The following FOSL2 variants were observed in gnomAD, a reference collection of about 807,000 sequenced individuals.
FOSL2 encodes the protein fos-related antigen 2.
In FOSL2, 3 loss-of-function variants were observed where a neutral mutation model predicts 27.7. That is an observed-to-expected ratio of 0.11 (90% confidence interval 0.05 to 0.28). FOSL2 has a LOEUF of 0.28. Among genes scored for constraint, FOSL2 ranks in the 10% least tolerant of loss-of-function variants. FOSL2 has a pLI of 1.00. For synonymous variants in FOSL2, 179 were observed against 190.1 expected, an observed-to-expected ratio of 0.94 and a Z score of 0.48; for missense variants, 333 against 445.1, an observed-to-expected ratio of 0.75 and a Z score of 2.27.
In FOSL2 at chr2:28,401,076, T is replaced by C. The variant is rs1037000150; in HGVS notation, c.103-3031T>C. Among the ~76,000 whole-genome samples, 10 of 152,174 alleles carry C rather than the reference T, an allele frequency of 6.6e-5. No homozygotes were observed. The East Asian group carries it at 1.7e-3, about 26-fold the overall frequency. The stretch of plus-strand genomic sequence containing the variant: ...GGGGAGAGAAATGGAATTTAAAAGT[T>C]GGGTGCTTCCCAGGAGTGGGTAGCT... On this transcript the variant is annotated intron_variant, in intron 1 of 3. Coordinates refer to ENST00000264716, the MANE Select transcript of FOSL2 (RefSeq NM_005253.4).
chr2:28,396,711 A>G (rs966890458), intron 1 of FOSL2: 2 of 152,004 alleles, frequency 1.3e-5, no homozygotes, highest in African/African-American at 4.8e-5. Flanking sequence ...TTGTGAAAAT[A>G]AATCAAGGGC....
Position 28,413,694 on chromosome 2 carries a change from T to C in FOSL2, c.*1246T>C. The C allele has an allele frequency of 2.5e-6, 1 of 399,236 alleles. No individual in the cohort carries two copies. Among genetic ancestry groups the C allele is most frequent in the Non-Finnish European group, 4.4e-6 (1 of 226,524 alleles). The allele number at this position is 399,236 out of a possible 1,614,324, so 24.7% of individuals were successfully genotyped here. A position where few individuals can be genotyped will look rare whatever the true frequency, so the allele number is the denominator to read the frequency against. ...GGCACCGGGCCTTTCCTGCCCTCTG[T>C]GGTCATCTGCCACCTGCTGGATCAA... On this transcript the variant is annotated 3_prime_UTR_variant, in exon 4 of 4. Transcript: ENST00000264716.
intron 3 of FOSL2, among the ~76,000 whole-genome samples, chr2:28,411,640 A>C (rs182867542): frequency 4.6e-5 from 7 of 152,328 alleles, no homozygotes; most frequent in Admixed American, 2.6e-4. Context: ...TGGAAGATTG[A>C]ATGAGATCAT....
rs1332911537 is a variant in FOSL2 at position 28,416,009 on chromosome 2, G to A, written c.*3561G>A. On this transcript the variant is annotated 3_prime_UTR_variant, in exon 4 of 4. Coordinates refer to ENST00000264716, the MANE Select transcript of FOSL2 (RefSeq NM_005253.4). ...GAGAATTTGGGGACCAATAGAATATGTGATGTGTGAATTTTCTTTAAAAAA... is the reference window on the plus strand; with the variant it reads ...GAGAATTTGGGGACCAATAGAATATATGATGTGTGAATTTTCTTTAAAAAA... The A allele has an allele frequency of 1.3e-5, 2 of 152,092 alleles. No individual in the cohort carries two copies. The highest frequency in any genetic ancestry group is 2.9e-5 in the Non-Finnish European group (2 of 68,036). 9.4% of individuals were successfully genotyped at this position (152,092 alleles called of 1,614,324 possible).
At chr2:28,394,852 G>C (rs772608075) in intron 1 of FOSL2, among the ~76,000 whole-genome samples, 11 of 152,184 alleles carry the variant, frequency 7.2e-5, no homozygotes, top group Non-Finnish European at 1.6e-4. Flanking sequence ...CATCTGTGGA[G>C]TCTAGCATAG....
At chr2:28,403,700 C>T (rs1664018784) in intron 1 of FOSL2, among the ~76,000 whole-genome samples, 1 of 152,178 alleles carries the variant, frequency 6.6e-6, no homozygotes, top group East Asian at 1.9e-4. Flanking sequence ...CCCTGAGAAA[C>T]AGTTGGCAGG....
At chr2:28,406,376 C>T (rs974162102) in intron 2 of FOSL2, among the ~76,000 whole-genome samples, 1 of 152,216 alleles carries the variant, frequency 6.6e-6, no homozygotes, top group Non-Finnish European at 1.5e-5. Context: ...TCTCCATTCT[C>T]TTCTGGGCCT....
intron 1 of FOSL2, among the ~76,000 whole-genome samples, chr2:28,399,392 C>A (rs752925194): frequency 6.6e-6 from 1 of 152,220 alleles, no homozygotes; most frequent in African/African-American, 2.4e-5. Context: ...TATAGAGTCT[C>A]AGGAGGCAGT....
chr2:28,392,957 AGAGAG>A lies in FOSL2; in HGVS notation c.-763_-759del. On this transcript the variant is annotated 5_prime_UTR_variant, in exon 1 of 4. Coordinates refer to ENST00000264716, the MANE Select transcript of FOSL2 (RefSeq NM_005253.4). ...GGGACAGAAAGAGGGAGAGAGAGAG[AGAGAG>A]AGAGGGAGAGGCGCGGCCGGGCGAG... 1.4e-6 allele frequency: 1 copy of A among 695,382 alleles called. No homozygotes were observed. Among genetic ancestry groups the A allele is most frequent in the Admixed American group, 2.0e-5 (1 of 49,144 alleles). 43.1% of individuals were successfully genotyped at this position (695,382 alleles called of 1,614,324 possible). A position where few individuals can be genotyped will look rare whatever the true frequency, so the allele number is the denominator to read the frequency against.
intron 2 of FOSL2, among the ~76,000 whole-genome samples, chr2:28,405,616 A>T (rs1372427945): frequency 6.6e-6 from 1 of 152,158 alleles, no homozygotes; most frequent in Admixed American, 6.5e-5. Flanking sequence ...CACCACACCA[A>T]GAAACTGGAA....
chr2:28,404,449 T>C lies in FOSL2; in HGVS notation c.354+91T>C. 1 of 1,467,074 alleles carries C rather than the reference T, an allele frequency of 6.8e-7. No homozygotes were observed. The highest frequency in any genetic ancestry group is 9.2e-7 in the Non-Finnish European group (1 of 1,083,456). The allele number at this position is 1,467,074 out of a possible 1,614,324, so 90.9% of individuals were successfully genotyped here. ...GGTTTCTGCAGACTGGGAGGGTTAA[T>C]GTTCTGAGAGCAGGGGAGACAAGGG... On this transcript the variant is annotated intron_variant, in intron 2 of 3. Coordinates refer to ENST00000264716, the MANE Select transcript of FOSL2 (RefSeq NM_005253.4). The surrounding 1 kb of genome is among the most constrained non-coding windows in gnomAD (Gnocchi z 4.7).
At chr2:28,407,003 C>G (rs968278807) in intron 2 of FOSL2, among the ~76,000 whole-genome samples, 1 of 152,182 alleles carries the variant, frequency 6.6e-6, no homozygotes, top group East Asian at 1.9e-4. Context: ...TTGATCTCAC[C>G]GCCCCTGAAC....
intron 1 of FOSL2, among the ~76,000 whole-genome samples, chr2:28,402,119 CTT>C (rs1255185087): frequency 6.6e-6 from 1 of 152,234 alleles, no homozygotes; most frequent in African/African-American, 2.4e-5. Flanking sequence ...TGCTGGGTAA[CTT>C]TCCTCCAGAA....
At chr2:28,396,445 C>A (rs1663836958) in intron 1 of FOSL2, among the ~76,000 whole-genome samples, 1 of 150,292 alleles carries the variant, frequency 6.7e-6, no homozygotes, top group South Asian at 2.2e-4. Flanking sequence ...CACACACCTC[C>A]CCTTCTTGGA....
chr2:28,406,240 T>G (rs932392618), intron 2 of FOSL2, among the ~76,000 whole-genome samples: 5 of 152,000 alleles, frequency 3.3e-5, no homozygotes, highest in African/African-American at 1.2e-4. Flanking sequence ...TTTTGTACTT[T>G]TAGTAGAGAT....
chr2:28,393,392 C>A lies in FOSL2; in HGVS notation c.-329C>A, dbSNP rs1361739052. On this transcript the variant is annotated 5_prime_UTR_variant, in exon 1 of 4. Coordinates refer to ENST00000264716, the MANE Select transcript of FOSL2 (RefSeq NM_005253.4). The surrounding 1 kb of genome is among the most constrained non-coding windows in gnomAD (Gnocchi z 4.6). ...TGGGCCGTGGGTCCCCGCTGAGCTC[C>A]GGCTGCGCGCGGGGGCGGGAGGGCG... is the stretch of plus-strand genomic sequence containing the variant. The A allele has an allele frequency of 2.2e-5, 7 of 321,700 alleles. No individual in the cohort carries two copies. Among genetic ancestry groups the A allele is most frequent in the South Asian group, 1.7e-4 (4 of 23,638 alleles). The allele number at this position is 321,700 out of a possible 1,614,324, so 19.9% of individuals were successfully genotyped here.
chr2:28,404,034 G>C lies in FOSL2; in HGVS notation c.103-73G>C, dbSNP rs775546004. 2.6e-6 allele frequency: 4 copies of C among 1,567,938 alleles called. No homozygotes were observed. The highest frequency in any genetic ancestry group is 1.7e-4 in the Middle Eastern group (1 of 5,904). On this transcript the variant is annotated intron_variant, in intron 1 of 3. Transcript: ENST00000264716. The surrounding 1 kb of genome is among the most constrained non-coding windows in gnomAD (Gnocchi z 4.7). ...CTGTGCTGGTTTTTGCCTCAGCTCT[G>C]TTCAATTATTATTAACTATCCTGTT...
At chr2:28,400,345 T>C (rs1347287831) in intron 1 of FOSL2, among the ~76,000 whole-genome samples, 2 of 152,216 alleles carry the variant, frequency 1.3e-5, no homozygotes, top group African/African-American at 2.4e-5. Context: ...CTCGGGTCTA[T>C]TGGCATAGAA....
At position 28,393,605 on chromosome 2, in the gene FOSL2, C is replaced by T. The variant is rs1057241739; in HGVS notation, c.-116C>T. On this transcript the variant is annotated 5_prime_UTR_variant, in exon 1 of 4. Coordinates refer to ENST00000264716, the MANE Select transcript of FOSL2 (RefSeq NM_005253.4). The surrounding 1 kb of genome is among the most constrained non-coding windows in gnomAD (Gnocchi z 4.6). Reference sequence around the variant, plus strand: ...GTGGGGGAGAAACCCAGGAGCGAAGCCCAGAGCCCGCGGCGCGGCCGGCGG... The same window carrying T: ...GTGGGGGAGAAACCCAGGAGCGAAGTCCAGAGCCCGCGGCGCGGCCGGCGG... 10 of 725,400 alleles carry T rather than the reference C, an allele frequency of 1.4e-5. No individual in the cohort carries two copies. The Admixed American group carries it at 2.5e-4, about 18-fold the overall frequency. The allele number at this position is 725,400 out of a possible 1,614,324, so 44.9% of individuals were successfully genotyped here.
Sources: gnomAD v4.1 joint callset for allele counts (sites outside exome capture counted in the v4.1 genomes callset) on GRCh38, gnomAD v4.1.1 for gene constraint, Gnocchi (gnomAD v3.1) non-coding constraint, MANE v1.5 for transcripts, NCBI Gene and HGNC (gene_info 2026-07-23, HGNC 2026-07-21) for gene names.